TRMT44: variants seen among roughly 807,000 people sequenced by gnomAD.
TRMT44 encodes the protein probable tRNA (uracil-O(2)-)-methyltransferase.
A neutral mutation model predicts 77.3 loss-of-function variants in TRMT44; 78 were observed. That is an observed-to-expected ratio of 1.01 (90% confidence interval 0.84 to 1.22). TRMT44 has a LOEUF of 1.22. Among genes scored for constraint, TRMT44 ranks in the 50% most tolerant of loss-of-function variants. The probability of loss-of-function intolerance (pLI) is 0.00; values close to 1 mark genes in which losing one functional copy is unlikely to be tolerated. For synonymous variants in TRMT44, 391 were observed against 383.3 expected (o/e 1.02, Z -0.23); for missense variants, 1,090 against 964.4 (o/e 1.13, Z -1.73).
rs971117809 is a variant in TRMT44 at position 8,444,355 on chromosome 4, A to G, written c.620-2121A>G. The stretch of plus-strand genomic sequence containing the variant: ...ATAGAATATGAATAACACCTAGTAT[A>G]TGATAGTCTAACAGGGGGATTATAA... On this transcript the variant is annotated intron_variant, in intron 1 of 10. Coordinates refer to ENST00000389737, the MANE Select transcript of TRMT44 (RefSeq NM_152544.3). The surrounding 1 kb of genome is among the most constrained non-coding windows in gnomAD (Gnocchi z 4.0). Among the ~76,000 whole-genome samples, 5 of 151,976 alleles carry G rather than the reference A, an allele frequency of 3.3e-5. No homozygotes were observed. The highest frequency in any genetic ancestry group is 4.8e-5 in the African/African-American group (2 of 41,368).
chr4:8,474,702 C>A (rs1461795222), intron 10 of TRMT44, among the ~76,000 whole-genome samples: 1 of 152,214 alleles, frequency 6.6e-6, no homozygotes, highest in Non-Finnish European at 1.5e-5. Context: ...AGCCTTCTGT[C>A]GTGAGCGGTT....
At chr4:8,481,339 A>C (rs186388464), downstream of TRMT44, among the ~76,000 whole-genome samples, 27 of 152,364 alleles carry the variant, frequency 1.8e-4, 1 homozygote, top group African/African-American at 6.3e-4. Context: ...CCTAAAATAC[A>C]TAAAACCAAG....
Position 8,440,857 on chromosome 4 carries a change from C to G in TRMT44, c.35C>G (p.Pro12Arg), listed in dbSNP as rs1478960336. Residue 12 changes from proline (P) to arginine (R), a missense_variant, in exon 1 of 11, where the codon CCA (proline) becomes CGA (arginine). Transcript: ENST00000389737. ...GTGGGCCGTACCGGGATCAGCTACCCAGGCGCGCTTCTCCCACAGGGCTTC... is the reference window on the plus strand; with the variant it reads ...GTGGGCCGTACCGGGATCAGCTACCGAGGCGCGCTTCTCCCACAGGGCTTC... ...AEVGRTGISY[P>R]GALLPQGFWA... is the part of the protein sequence containing the mutation. 4.6e-6 allele frequency: 7 copies of G among 1,517,234 alleles called. No homozygotes were observed. The East Asian group carries it at 1.8e-4, about 38-fold the overall frequency. The allele number at this position is 1,517,234 out of a possible 1,614,324, so 94.0% of individuals were successfully genotyped here. A position where few individuals can be genotyped will look rare whatever the true frequency, so the allele number is the denominator to read the frequency against.
intron 2 of TRMT44, 91 bp from the exon 3 acceptor site, chr4:8,449,578 T>G: frequency 9.5e-7 from 1 of 1,051,154 alleles, no homozygotes; most frequent in Non-Finnish European, 1.3e-6. Context: ...ATGTCTTAGC[T>G]TCTGTTTTCT....
rs189631803 is a variant in TRMT44 at position 8,451,175 on chromosome 4, C to T, written c.955-785C>T. On this transcript the variant is annotated intron_variant, in intron 3 of 10. Transcript: ENST00000389737. The surrounding 1 kb of genome is among the most constrained non-coding windows in gnomAD (Gnocchi z 4.1). ...TATTGCTGAAGCACCTGTGGGTCCC[C>T]GGGGTTGGCTGACTGAGGCTGGGCT... Among the ~76,000 whole-genome samples, 18 of 152,044 alleles carry T rather than the reference C, an allele frequency of 1.2e-4. No individual in the cohort carries two copies. The highest frequency in any genetic ancestry group is 2.1e-4 in the South Asian group (1 of 4,828).
chr4:8,480,948 G>A (rs1727593676), downstream of TRMT44, among the ~76,000 whole-genome samples: 1 of 152,178 alleles, frequency 6.6e-6, no homozygotes. Flanking sequence ...TTTTGTGTGG[G>A]GGAAAATTTG....
the TRMT44 span, among the ~76,000 whole-genome samples, chr4:8,513,385 C>T: frequency 6.6e-6 from 1 of 152,186 alleles, no homozygotes; most frequent in Non-Finnish European, 1.5e-5. Flanking sequence ...GAAAGACTGG[C>T]CCCCATAATT....
intron 2 of TRMT44, among the ~76,000 whole-genome samples, chr4:8,484,727 T>C (rs1260120846): frequency 6.6e-6 from 1 of 152,108 alleles, no homozygotes; most frequent in Admixed American, 6.5e-5. Flanking sequence ...ATCTATGGGG[T>C]CAACTAGGTT....
At chr4:8,464,222 G>C in intron 7 of TRMT44, 131 bp downstream of exon 7, 2 of 642,954 alleles carry the variant, frequency 3.1e-6, no homozygotes, top group South Asian at 4.1e-5. Flanking sequence ...TCCAATTGTT[G>C]AAATGTTTGC....
chr4:8,463,240 T>C (rs1325273057), intron 6 of TRMT44, among the ~76,000 whole-genome samples: 1 of 152,202 alleles, frequency 6.6e-6, no homozygotes, highest in African/African-American at 2.4e-5. Context: ...CTCTTCCCCC[T>C]CTCTCTTTCC....
intron 2 of TRMT44, among the ~76,000 whole-genome samples, chr4:8,489,460 C>CATTTT (rs60190185): frequency 1.1e-4 from 17 of 150,338 alleles, no homozygotes; most frequent in South Asian, 4.2e-4. Flanking sequence ...GTTTTGTTTT[C>CATTTT]GTTTTGTTTT....
downstream of TRMT44, among the ~76,000 whole-genome samples, chr4:8,496,345 C>CA (rs2109243307): frequency 6.6e-6 from 1 of 152,354 alleles, no homozygotes; most frequent in African/African-American, 2.4e-5. Context: ...CACTCAGTAA[C>CA]AGTAGCCTCT....
chr4:8,458,520 G>A (rs1209065355), intron 6 of TRMT44, among the ~76,000 whole-genome samples: 2 of 147,578 alleles, frequency 1.4e-5, no homozygotes, highest in Non-Finnish European at 3.0e-5. Flanking sequence ...CTGGAGTGCA[G>A]TGGTGTGATC....
downstream of TRMT44, chr4:8,479,484 T>G (rs568276897): frequency 3.3e-5 from 5 of 152,228 alleles, no homozygotes; most frequent in East Asian, 9.7e-4. Context: ...ACCAGACGCC[T>G]GCACAGCACA....
rs373859052 is a variant in TRMT44, at chr4:8,468,131, G to A, written c.1712G>A (p.Trp571Ter). 1.2e-4 allele frequency: 193 copies of A among 1,613,862 alleles called. No homozygotes were observed. The highest frequency in any genetic ancestry group is 1.6e-4 in the Non-Finnish European group (185 of 1,179,996). ...AGGGTCGGGTGTGTAACCAGGGCCT[G>A]GGCCGCTGAGCATGGAGCAGGGCCC... is the stretch of plus-strand genomic sequence containing the variant. ...DARVGCVTRAWAAEHGAGPQA... is the reference protein window; with the variant it reads ...DARVGCVTRA The change falls in exon 9 of 11, where the codon TGG (tryptophan) becomes TAG (stop). Residue 571 changes from tryptophan (W) to a stop codon, truncating the protein, a stop_gained. Transcript: ENST00000389737. LOFTEE classifies it high-confidence loss of function.
the TRMT44 span, among the ~76,000 whole-genome samples, chr4:8,500,647 A>G: frequency 0.74 from 111,412 of 151,196 alleles, 41,719 homozygotes; most frequent in African/African-American, 0.86. Flanking sequence ...AGTGTCTGGC[A>G]GGCACTGTTT....
intron 10 of TRMT44, 68 bp from the exon 11 acceptor site, chr4:8,475,702 AAG>A: frequency 1.3e-6 from 2 of 1,493,118 alleles, no homozygotes. Flanking sequence ...GTGGGAGCTA[AAG>A]AGAGGCTGGT....
chr4:8,455,265 G>T (rs1348826999), intron 6 of TRMT44, among the ~76,000 whole-genome samples: 3 of 152,250 alleles, frequency 2.0e-5, no homozygotes, highest in African/African-American at 7.2e-5. Flanking sequence ...CTGTGCCAGG[G>T]CTGGGATAGA....
downstream of TRMT44, among the ~76,000 whole-genome samples, chr4:8,496,880 A>T (rs1728165805): frequency 6.6e-6 from 1 of 151,902 alleles, no homozygotes; most frequent in Admixed American, 6.6e-5. Flanking sequence ...GTGATTTTTA[A>T]TGAAAAGAGC....
Sources: allele counts gnomAD v4.1 joint callset (sites outside exome capture counted in the v4.1 genomes callset), GRCh38; gene constraint gnomAD v4.1.1; non-coding constraint Gnocchi (gnomAD v3.1); transcripts MANE v1.5; gene names NCBI Gene and HGNC (gene_info 2026-07-23, HGNC 2026-07-21).